Variants in BLTP1 observed in about 807,000 individuals in gnomAD.
BLTP1 encodes the protein fragile site-associated protein.
the BLTP1 span, chr4:122,154,380 G>A: frequency 8.0e-5 from 79 of 984,582 alleles, no homozygotes; most frequent in Non-Finnish European, 9.3e-5. Context: ...GTGGGGTGGT[G>A]GTGATATGTA....
chr4:122,235,060 C>T, the BLTP1 span: 3 of 1,500,102 alleles, frequency 2.0e-6, no homozygotes, highest in Non-Finnish European at 2.7e-6. Flanking sequence ...TAATTGTTTA[C>T]TTTCTTCATC....
chr4:122,316,844 A>G, the BLTP1 span: 1 of 1,604,022 alleles, frequency 6.2e-7, no homozygotes, highest in African/African-American at 1.3e-5. Flanking sequence ...GAACAGGCCA[A>G]AGTAATAGAT....
the BLTP1 span, among the ~76,000 whole-genome samples, chr4:122,158,042 G>C: frequency 3.3e-5 from 5 of 152,176 alleles, no homozygotes; most frequent in African/African-American, 1.2e-4. Context: ...TATGAGAAAA[G>C]CCTAAATGCT....
chr4:122,277,719 TCCTC>T, the BLTP1 span: 1 of 983,478 alleles, frequency 1.0e-6, no homozygotes, highest in Non-Finnish European at 1.2e-6. Context: ...AAGTTACACT[TCCTC>T]CTTCCTATCA....
At chr4:122,235,091 A>G in the BLTP1 span, 18 of 1,327,980 alleles carry the variant, frequency 1.4e-5, no homozygotes, top group Non-Finnish European at 1.9e-5. Flanking sequence ...TTTGAGAGAA[A>G]TTCAGTGTTA....
chr4:122,268,322 A>G, the BLTP1 span, among the ~76,000 whole-genome samples: 1 of 152,216 alleles, frequency 6.6e-6, no homozygotes, highest in Non-Finnish European at 1.5e-5. Flanking sequence ...GATATAACAT[A>G]TAATACAGAA....
At chr4:122,187,222 A>G in the BLTP1 span, 9 of 979,202 alleles carry the variant, frequency 9.2e-6, no homozygotes, top group South Asian at 4.3e-4. Context: ...TATCCATCTA[A>G]AAGTTGATAT....
chr4:122,307,201 A>G, the BLTP1 span, among the ~76,000 whole-genome samples: 1 of 152,146 alleles, frequency 6.6e-6, no homozygotes, highest in Admixed American at 6.6e-5. Context: ...CATATACACC[A>G]TATACACATA....
the BLTP1 span, chr4:122,228,987 G>T: frequency 5.7e-6 from 4 of 700,572 alleles, no homozygotes; most frequent in East Asian, 9.5e-5. Flanking sequence ...TATTATAAAA[G>T]AATGAAATTA....
At chr4:122,210,726 CT>C in the BLTP1 span, 1 of 426,670 alleles carries the variant, frequency 2.3e-6, no homozygotes, top group Non-Finnish European at 3.1e-6. Context: ...AATTATTGGT[CT>C]TTTAGGTCTG....
chr4:122,177,004 T>A, the BLTP1 span, among the ~76,000 whole-genome samples: 1 of 152,198 alleles, frequency 6.6e-6, no homozygotes, highest in African/African-American at 2.4e-5. Context: ...ACTCTGTCAT[T>A]CACTAGCGTT....
the BLTP1 span, chr4:122,189,890 T>G: frequency 6.8e-7 from 1 of 1,469,434 alleles, no homozygotes. Flanking sequence ...TATGTGCTTG[T>G]TAGTTTTTTT....
At chr4:122,210,033 AT>A in the BLTP1 span, 34 of 1,425,382 alleles carry the variant, frequency 2.4e-5, 1 homozygote, top group South Asian at 4.5e-4. Flanking sequence ...GTGACATAGT[AT>A]AAATATAGTC....
the BLTP1 span, chr4:122,189,804 A>C: frequency 9.9e-6 from 9 of 905,492 alleles, no homozygotes; most frequent in Non-Finnish European, 1.2e-5. Flanking sequence ...CCAACATAGA[A>C]TAAAACATGG....
the BLTP1 span, among the ~76,000 whole-genome samples, chr4:122,272,695 T>A: frequency 6.6e-6 from 1 of 152,054 alleles, no homozygotes; most frequent in Non-Finnish European, 1.5e-5. Flanking sequence ...AAGATGTCTC[T>A]AAAGGCTGAA....
the BLTP1 span, among the ~76,000 whole-genome samples, chr4:122,284,597 A>AT: frequency 0.028 from 4,301 of 152,226 alleles, 135 homozygotes; most frequent in African/African-American, 0.08. Flanking sequence ...TGTATACAGT[A>AT]GTCCCTGCTT....
At chr4:122,289,025 T>C in the BLTP1 span, 2 of 1,523,760 alleles carry the variant, frequency 1.3e-6, no homozygotes, top group Non-Finnish European at 1.8e-6. Flanking sequence ...GGGTGATTTA[T>C]GTAAGAAAAA....
the BLTP1 span, chr4:122,215,345 C>G: frequency 1.0e-6 from 1 of 966,192 alleles, no homozygotes. Context: ...TGATAACAGA[C>G]TACAAGGGAA....
At chr4:122,251,607 C>A in the BLTP1 span, 1 of 985,036 alleles carries the variant, frequency 1.0e-6, no homozygotes, top group South Asian at 4.7e-5. Flanking sequence ...CCTAGCTGTT[C>A]TTTCCTTCTC....
Sources: gnomAD v4.1 joint callset for allele counts (sites outside exome capture counted in the v4.1 genomes callset) on GRCh38, gnomAD v4.1.1 for gene constraint, MANE v1.5 for transcripts, NCBI Gene and HGNC (gene_info 2026-07-23, HGNC 2026-07-21) for gene names.